SLC6A11: variants seen among roughly 807,000 people sequenced by gnomAD.
SLC6A11 encodes solute carrier family 6 member 11.
A neutral mutation model predicts 74.8 loss-of-function variants in SLC6A11; 25 were observed. That is an observed-to-expected ratio of 0.33 (90% CI 0.24 to 0.47). The LOEUF (loss-of-function observed/expected upper bound fraction) is 0.47, where lower values mean the gene tolerates loss of function less well. SLC6A11 is among the 20% of genes least tolerant of loss of function. SLC6A11 has a pLI of 1.00. For missense variants in SLC6A11, 574 were observed against 837.0 expected (o/e 0.69, Z 3.88); for synonymous variants, 330 against 330.2 (o/e 1.00, Z 0.01).
rs114164352 is a variant in SLC6A11 at position 10,886,692 on chromosome 3, A to T, written c.891+11597A>T. ...CATGATGGCATGTGCCTGTAGTCCT[A>T]GCTACTGGGGAGGATGAAACCGGAG... On this transcript the variant is annotated intron_variant, in intron 6 of 13. Coordinates refer to ENST00000254488, the MANE Select transcript of SLC6A11 (RefSeq NM_014229.3). Among the ~76,000 whole-genome samples, 403 of 152,172 alleles carry T rather than the reference A, an allele frequency of 2.6e-3. 1 individual carries two copies. Among genetic ancestry groups the T allele is most frequent in the African/African-American group, 9.4e-3 (392 of 41,518 alleles).
intron 5 of SLC6A11, among the ~76,000 whole-genome samples, chr3:10,861,310 G>A (rs913821331): frequency 2.6e-5 from 4 of 152,182 alleles, no homozygotes; most frequent in African/African-American, 4.8e-5. Context: ...GAGCCCAAGA[G>A]TTCAAGACCA....
At chr3:10,854,870 G>A (rs1694619477) in intron 5 of SLC6A11, among the ~76,000 whole-genome samples, 2 of 152,246 alleles carry the variant, frequency 1.3e-5, no homozygotes, top group African/African-American at 2.4e-5. Flanking sequence ...ATAAGCTCCC[G>A]AAGGACAGAG....
At chr3:10,911,473 G>C (rs13059801) in intron 6 of SLC6A11, among the ~76,000 whole-genome samples, 21,291 of 152,136 alleles carry the variant, frequency 0.14, 1,972 homozygotes, top group East Asian at 0.31. Context: ...AGCCTAGAGG[G>C]GGGGAGTCTG....
chr3:10,882,878 G>A (rs1694999193), intron 6 of SLC6A11, among the ~76,000 whole-genome samples: 1 of 152,192 alleles, frequency 6.6e-6, no homozygotes, highest in Non-Finnish European at 1.5e-5. Context: ...GCACAGGGAG[G>A]CAGTGGGGCA....
intron 4 of SLC6A11, among the ~76,000 whole-genome samples, chr3:10,841,887 G>A (rs886225834): frequency 6.6e-6 from 1 of 152,232 alleles, no homozygotes; most frequent in African/African-American, 2.4e-5. Flanking sequence ...TAGGGACCTC[G>A]TGTGTTCCTC....
chr3:10,900,142 T>G (rs760572295), intron 6 of SLC6A11, among the ~76,000 whole-genome samples: 2 of 152,204 alleles, frequency 1.3e-5, no homozygotes, highest in Non-Finnish European at 2.9e-5. Context: ...GTTGGAAAAC[T>G]GGGGCTAGGA....
At chr3:10,821,096 G>A (rs1390894490) in intron 3 of SLC6A11, among the ~76,000 whole-genome samples, 3 of 152,114 alleles carry the variant, frequency 2.0e-5, no homozygotes, top group African/African-American at 7.2e-5. Context: ...TCTCTCTTTA[G>A]GGCCCTAGTT....
chr3:10,848,288 C>T (rs960605578), intron 5 of SLC6A11, among the ~76,000 whole-genome samples: 4 of 152,182 alleles, frequency 2.6e-5, no homozygotes, highest in South Asian at 2.1e-4. Flanking sequence ...GATCAGGTCA[C>T]GAATAAGTTG....
chr3:10,931,206 C>T (rs192639448), intron 10 of SLC6A11, among the ~76,000 whole-genome samples: 6 of 152,296 alleles, frequency 3.9e-5, no homozygotes, highest in African/African-American at 7.2e-5. Context: ...GTCGCTGCTC[C>T]GTGCCTCAGT....
chr3:10,868,608 T>C (rs946036969), intron 5 of SLC6A11, among the ~76,000 whole-genome samples: 3 of 152,254 alleles, frequency 2.0e-5, no homozygotes, highest in Non-Finnish European at 4.4e-5. Context: ...CTGAGGGTTC[T>C]GACAGATTAG....
intron 11 of SLC6A11, 34 bp downstream of exon 11, chr3:10,933,287 T>C (rs1378517790): frequency 3.4e-6 from 5 of 1,460,596 alleles, no homozygotes; most frequent in African/African-American, 2.8e-5. Flanking sequence ...ACACCCCAGC[T>C]GCCCACCAGG....
intron 5 of SLC6A11, among the ~76,000 whole-genome samples, chr3:10,870,550 T>C (rs1694817400): frequency 6.6e-6 from 1 of 152,182 alleles, no homozygotes; most frequent in East Asian, 1.9e-4. Context: ...AGTCTCTTGA[T>C]GACAAGAATC....
intron 1 of SLC6A11, 42 bp from the exon 2 acceptor site, chr3:10,819,423 C>T (rs1438547089): frequency 1.9e-6 from 3 of 1,573,228 alleles, no homozygotes; most frequent in African/African-American, 1.4e-5. Flanking sequence ...AAGTATGAAT[C>T]GGCAGGGACA....
chr3:10,889,442 T>C (rs1695083030), intron 6 of SLC6A11, among the ~76,000 whole-genome samples: 1 of 152,170 alleles, frequency 6.6e-6, no homozygotes, highest in African/African-American at 2.4e-5. Context: ...AGATATCCCC[T>C]GTGCTCTGCC....
intron 4 of SLC6A11, among the ~76,000 whole-genome samples, chr3:10,830,388 G>T (rs1445062707): frequency 1.3e-5 from 2 of 152,180 alleles, no homozygotes; most frequent in African/African-American, 2.4e-5. Flanking sequence ...GCAGGCAGGG[G>T]CCAGAGCATC....
intron 6 of SLC6A11, among the ~76,000 whole-genome samples, chr3:10,896,089 C>A (rs1016271466): frequency 2.0e-5 from 3 of 152,240 alleles, no homozygotes; most frequent in Non-Finnish European, 4.4e-5. Flanking sequence ...GAGGCATTGA[C>A]CCTGCAGTGA....
Position 10,838,275 on chromosome 3 carries a change from T to C in SLC6A11, c.624-5939T>C, listed in dbSNP as rs534725729. Among the ~76,000 whole-genome samples the C allele has an allele frequency of 2.2e-4, 34 of 152,330 alleles. No individual in the cohort carries two copies. The South Asian group carries it at 6.4e-3, about 29-fold the overall frequency. On this transcript the variant is annotated intron_variant, in intron 4 of 13. Coordinates refer to ENST00000254488, the MANE Select transcript of SLC6A11 (RefSeq NM_014229.3). ...CTTCAGGTGGGAGACTGTTTCCTTCTCTCCAGACTCAGCAGCTGTGTGTGA... is the reference window on the plus strand; with the variant it reads ...CTTCAGGTGGGAGACTGTTTCCTTCCCTCCAGACTCAGCAGCTGTGTGTGA...
intron 1 of SLC6A11, among the ~76,000 whole-genome samples, chr3:10,817,192 G>C (rs939295245): frequency 3.3e-5 from 5 of 152,154 alleles, no homozygotes; most frequent in Admixed American, 6.5e-5. Flanking sequence ...CCCATTTCTA[G>C]GGCCAATATT....
rs190236430 is a variant in SLC6A11, at chr3:10,917,214, T to G, written c.996-1115T>G. On this transcript the variant is annotated intron_variant, in intron 7 of 13. Coordinates refer to ENST00000254488, the MANE Select transcript of SLC6A11 (RefSeq NM_014229.3). ...AAGCCTGAAGGAACTCCAGGCTGTT[T>G]TGGAGGGTAAAGCTAACTTTATCAG... Among the ~76,000 whole-genome samples the G allele has an allele frequency of 2.9e-3, 441 of 152,268 alleles. 7 individuals are homozygous for G. Among genetic ancestry groups the G allele is most frequent in the Admixed American group, 0.026 (397 of 15,300 alleles).
Sources: gnomAD v4.1 joint callset for allele counts (sites outside exome capture counted in the v4.1 genomes callset) on GRCh38, gnomAD v4.1.1 for gene constraint, MANE v1.5 for transcripts, NCBI Gene and HGNC (gene_info 2026-07-23, HGNC 2026-07-21) for gene names.